LRRN4: variants seen among roughly 807,000 people sequenced by gnomAD.
The protein encoded by LRRN4 is leucine rich repeat neuronal 4.
LRRN4 carries 26 observed loss-of-function variants against 22.3 expected under a neutral mutation model. The observed-to-expected ratio is 1.16, with a 90% CI of 0.85 to 1.62. LRRN4 has a LOEUF of 1.62. Among genes scored for constraint, LRRN4 ranks in the 40% most tolerant of loss-of-function variants. LRRN4 has a pLI of 0.00. For missense variants in LRRN4, 1,070 were observed against 1,008.5 expected, an observed-to-expected ratio of 1.06 and a Z score of -0.83; for synonymous variants, 496 against 486.2, an observed-to-expected ratio of 1.02 and a Z score of -0.26.
chr20:6,050,757 G>T (rs1412434251), intron 3 of LRRN4, 22 bp downstream of exon 3: 4 of 1,606,332 alleles, frequency 2.5e-6, no homozygotes, highest in Non-Finnish European at 2.6e-6. Context: ...ATGTGATGAA[G>T]ATGTGCCTCA....
chr20:6,052,069 G>C, intron 2 of LRRN4, 76 bp downstream of exon 2: 1 of 1,488,868 alleles, frequency 6.7e-7, no homozygotes, highest in South Asian at 1.3e-5. Context: ...GAAGAACGCA[G>C]CCCTGCCCCC....
At chr20:6,047,459 CACACACACAG>C (rs1568641532) in intron 3 of LRRN4, among the ~76,000 whole-genome samples, 18 of 150,730 alleles carry the variant, frequency 1.2e-4, no homozygotes, top group South Asian at 4.2e-4. Context: ...CACACACACA[CACACACACAG>C]AGACACACAC....
Position 6,052,644 on chromosome 20 carries a change from G to A in LRRN4, c.156C>T (p.Pro52=). ...GGGTCAAGGCCGTCGCATCCGCGGC[G>A]GGCAGCCCCTCGCAGGGCGAGTCGG... is the stretch of plus-strand genomic sequence containing the variant. ...NATDSPCEGL[P]AADATALTLA... is the part of the protein sequence containing the mutation. Residue 52 remains proline (P), a synonymous_variant, in exon 2 of 5, where the codon CCC becomes CCT. Transcript: ENST00000378858. 2 of 1,585,186 alleles carry A rather than the reference G, an allele frequency of 1.3e-6. No homozygotes were observed. The highest frequency in any genetic ancestry group is 2.3e-5 in the East Asian group (1 of 44,134).
intron 3 of LRRN4, among the ~76,000 whole-genome samples, chr20:6,048,587 A>C (rs553158068): frequency 8.7e-4 from 132 of 152,356 alleles, no homozygotes; most frequent in Admixed American, 2.4e-3. Flanking sequence ...CGAAATGGGA[A>C]TAATGACTGA....
At position 6,050,852 on chromosome 20, in the gene LRRN4, A is replaced by T. The variant is rs751684476; in HGVS notation, c.787T>A (p.Ser263Thr). 12 of 1,614,050 alleles carry T rather than the reference A, an allele frequency of 7.4e-6. 1 individual carries two copies. The South Asian group carries it at 1.3e-4, about 18-fold the overall frequency. ...GTGGCGACAGAAGCAAGTGCTGGGGAGTCCTGACAGTCCAGCTGCTGCAGG... is the reference window on the plus strand; with the variant it reads ...GTGGCGACAGAAGCAAGTGCTGGGGTGTCCTGACAGTCCAGCTGCTGCAGG... Reference protein sequence around the residue: ...PNLQQLDCQDSPALASVATHI... With the variant: ...PNLQQLDCQDTPALASVATHI... Residue 263 changes from serine to threonine, a missense_variant, in exon 3 of 5, where the codon TCC (serine) becomes ACC (threonine). Transcript: ENST00000378858.
chr20:6,044,131 C>T (rs1258350589), intron 4 of LRRN4, among the ~76,000 whole-genome samples: 2 of 152,186 alleles, frequency 1.3e-5, no homozygotes, highest in African/African-American at 4.8e-5. Context: ...CAAGAGAGCT[C>T]TGTAAGCCCA....
rs1600402701 is a variant in LRRN4, at chr20:6,041,647, C to T, written c.1598G>A (p.Gly533Glu). The T allele has an allele frequency of 1.2e-6, 2 of 1,606,730 alleles. No homozygotes were observed. The highest frequency in any genetic ancestry group is 4.5e-5 in the East Asian group (2 of 44,768). ...LLDDYSEEEE[G>E]RKEEVGTPHQ... ...AGGCGTTCCCACCTCCTCCTTCCTC[C>T]CTTCCTCCTCCTCACTGTAGTCGTC... The change falls in exon 5 of 5, where the codon GGG (glycine) becomes GAG (glutamate). Residue 533 changes from glycine (G) to glutamate (E), a missense_variant. Gly to Glu is a moderately conservative substitution (Grantham distance 98). Transcript: ENST00000378858. This position sits in a 1 kb window ranked among gnomAD's most constrained non-coding sequence, Gnocchi z 9.4.
At position 6,044,612 on chromosome 20, in the gene LRRN4, C is replaced by A. The variant is rs778039242; in HGVS notation, c.929G>T (p.Gly310Val). 6.3e-7 allele frequency: 1 copy of A among 1,594,248 alleles called. No individual in the cohort carries two copies. Among genetic ancestry groups the A allele is most frequent in the South Asian group, 1.2e-5 (1 of 85,988 alleles). The change falls in exon 4 of 5, where the codon GGC (glycine) becomes GTC (valine). Residue 310 changes from glycine to valine, a missense_variant. Coordinates refer to ENST00000378858, the MANE Select transcript of LRRN4 (RefSeq NM_152611.5). ...GTCACAACTGCAAGTGAGGGGGTTG[C>A]CAAAGAGGTTGATCGATAGGACCTG... ...SSQVLSINLFGNPLTCSCDLS... is the reference protein window; with the variant it reads ...SSQVLSINLFVNPLTCSCDLS...
chr20:6,051,067 G>A (rs1568642727), intron 2 of LRRN4, 84 bp from the exon 3 acceptor site: 6 of 1,209,620 alleles, frequency 5.0e-6, no homozygotes, highest in Admixed American at 3.9e-5. Flanking sequence ...GAACGAGAGT[G>A]GCAAGGTGAA....
rs1980919485 is a variant in LRRN4 at position 6,041,145 on chromosome 20, CA to C, written c.2099del (p.Val700GlyfsTer72). 6.2e-7 allele frequency: 1 copy of C among 1,607,660 alleles called. No individual in the cohort carries two copies. Among genetic ancestry groups the C allele is most frequent in the South Asian group, 1.1e-5 (1 of 90,520 alleles). ...CCCGCCTGCAGAGACATGCGGACAG[CA>C]CCACGGTGCTGGCGAGCAACAGGCC... ...ASGLLLASTV[V>X]LSACLCRRGQ... On this transcript the variant is annotated frameshift_variant, in exon 5 of 5. Transcript: ENST00000378858. LOFTEE classifies it low-confidence loss of function (END_TRUNC). This position sits in a 1 kb window ranked among gnomAD's most constrained non-coding sequence, Gnocchi z 9.4.
intron 1 of LRRN4, 62 bp from the exon 2 acceptor site, chr20:6,052,866 T>A: frequency 3.4e-6 from 5 of 1,458,396 alleles, no homozygotes; most frequent in Non-Finnish European, 4.6e-6. Context: ...AAGAGTCAGA[T>A]GCGCGTCCCA....
At chr20:6,045,368 G>A (rs1195194343) in intron 3 of LRRN4, among the ~76,000 whole-genome samples, 1 of 148,430 alleles carries the variant, frequency 6.7e-6, no homozygotes, top group African/African-American at 2.4e-5. Context: ...AGCCTGGGAG[G>A]CAGAGGTTGC....
chr20:6,051,320 C>A (rs1244312991), intron 2 of LRRN4, among the ~76,000 whole-genome samples: 1 of 152,196 alleles, frequency 6.6e-6, no homozygotes, highest in Non-Finnish European at 1.5e-5. Flanking sequence ...TCATTAAAGT[C>A]CACACAGAAA....
At position 6,041,474 on chromosome 20, in the gene LRRN4, T is replaced by C; in HGVS notation, c.1771A>G (p.Thr591Ala). 1.3e-6 allele frequency: 2 copies of C among 1,555,790 alleles called. No homozygotes were observed. The highest frequency in any genetic ancestry group is 1.7e-6 in the Non-Finnish European group (2 of 1,149,674). Residue 591 changes from threonine (T) to alanine (A), a missense_variant, in exon 5 of 5, where the codon ACC (threonine) becomes GCC (alanine). Coordinates refer to ENST00000378858, the MANE Select transcript of LRRN4 (RefSeq NM_152611.5). The surrounding 1 kb of genome is among the most constrained non-coding windows in gnomAD (Gnocchi z 9.4). ...TGGACCAGCGCCGACGTGTCCGTGG[T>C]CTCCGTCACCCCCTGCAGCCTGGGC... ...DPPRLQGVTETTDTSALVHWC... is the reference protein window; with the variant it reads ...DPPRLQGVTEATDTSALVHWC...
intron 3 of LRRN4, among the ~76,000 whole-genome samples, chr20:6,048,511 C>T (rs1981163187): frequency 6.6e-6 from 1 of 152,220 alleles, no homozygotes; most frequent in African/African-American, 2.4e-5. Flanking sequence ...TCTGATTCTG[C>T]TATTTACTAG....
At chr20:6,043,894 C>A (rs1479843364) in intron 4 of LRRN4, among the ~76,000 whole-genome samples, 1 of 152,120 alleles carries the variant, frequency 6.6e-6, no homozygotes, top group Non-Finnish European at 1.5e-5. Context: ...CGCAACAGAG[C>A]AAGACCCTGT....
In LRRN4 at chr20:6,041,158, G is replaced by A. The variant is rs767774106; in HGVS notation, c.2087C>T (p.Ala696Val). The A allele has an allele frequency of 2.6e-5, 41 of 1,604,216 alleles. No individual in the cohort carries two copies. The highest frequency in any genetic ancestry group is 1.4e-4 in the Admixed American group (8 of 58,634). The change falls in exon 5 of 5, where the codon GCC (alanine) becomes GTC (valine). Residue 696 changes from alanine to valine, a missense_variant. Ala to Val is a moderately conservative substitution (Grantham distance 64). Coordinates refer to ENST00000378858, the MANE Select transcript of LRRN4 (RefSeq NM_152611.5). The surrounding 1 kb of genome is among the most constrained non-coding windows in gnomAD (Gnocchi z 9.4). ...ACATGCGGACAGCACCACGGTGCTG[G>A]CGAGCAACAGGCCGCTGGCGGCGCA... The part of the protein sequence containing the change: ...GLCAASGLLL[A>V]STVVLSACLC...
Position 6,052,750 on chromosome 20 carries a change from C to A in LRRN4, c.50G>T (p.Trp17Leu). Reference sequence around the variant, plus strand: ...GACCTTCTCCTGGGGAGGGTCTGCCCAGCTGGGGCGCAGCACCGTCAGCAG... The same window carrying A: ...GACCTTCTCCTGGGGAGGGTCTGCCAAGCTGGGGCGCAGCACCGTCAGCAG... ...LLLLTVLRPS[W>L]ADPPQEKVPL... Residue 17 changes from tryptophan (W) to leucine (L), a missense_variant, in exon 2 of 5, where the codon TGG becomes TTG. By Grantham distance (61) the Trp-to-Leu change is moderately conservative. Coordinates refer to ENST00000378858, the MANE Select transcript of LRRN4 (RefSeq NM_152611.5). 6.4e-7 allele frequency: 1 copy of A among 1,574,092 alleles called. No homozygotes were observed.
At position 6,052,782 on chromosome 20, in the gene LRRN4, C is replaced by A; in HGVS notation, c.18G>T (p.Pro6=). Residue 6 remains proline (P), a synonymous_variant, in exon 2 of 5, where the codon CCG becomes CCT. Transcript: ENST00000378858. ...GGCGCAGCACCGTCAGCAGCAGCAG[C>A]GGTAGGGTTTGCCGCATGGCGTCTG... is the stretch of plus-strand genomic sequence containing the variant. MRQTL[P]LLLLTVLRPS... is the part of the protein sequence containing the mutation. 1 of 1,572,214 alleles carries A rather than the reference C, an allele frequency of 6.4e-7. No individual in the cohort carries two copies.
Sources: allele counts gnomAD v4.1 joint callset (sites outside exome capture counted in the v4.1 genomes callset), GRCh38; gene constraint gnomAD v4.1.1; non-coding constraint Gnocchi (gnomAD v3.1); transcripts MANE v1.5; gene names NCBI Gene and HGNC (gene_info 2026-07-23, HGNC 2026-07-21).